TET2: variants seen among roughly 807,000 people sequenced by gnomAD.
TET2 encodes the protein tet methylcytosine dioxygenase 2, also known as methylcytosine dioxygenase TET2.
Under a neutral mutation model 142.9 loss-of-function variants are expected in TET2, and 299 were observed. The observed-to-expected ratio is 2.09, with a 90% CI of 1.90 to 2.30. The LOEUF (loss-of-function observed/expected upper bound fraction) is 2.30. Ranked by LOEUF, TET2 falls within the 30% of genes most tolerant of loss-of-function variation. The pLI, the probability that TET2 is intolerant of heterozygous loss-of-function variation, is 0.00. For synonymous variants in TET2, 819 were observed against 849.0 expected (o/e 0.96, Z 0.61); for missense variants, 2,418 against 2,378.0 (o/e 1.02, Z -0.35).
At chr4:105,243,483 C>T in intron 5 of TET2, 87 bp from the exon 6 acceptor site, 1 of 1,148,736 alleles carries the variant, frequency 8.7e-7, no homozygotes, top group Non-Finnish European at 1.3e-6. Context: ...AATATACATA[C>T]ATAAGTGCCC....
In TET2 at chr4:105,276,397, A is replaced by T; in HGVS notation, c.5887A>T (p.Thr1963Ser). The change falls in exon 11 of 11, where the codon ACT (threonine) becomes TCT (serine). Residue 1963 changes from threonine to serine, a missense_variant. By Grantham distance (58) the Thr-to-Ser change is moderately conservative. Transcript: ENST00000380013. ...TGAGCCACATGAAACTTCAGAGCCC[A>T]CTTACCTGCGTTTCATCAAGTCTCT... is the stretch of plus-strand genomic sequence containing the variant. Reference protein sequence around the residue: ...PAEPHETSEPTYLRFIKSLAE... With the variant: ...PAEPHETSEPSYLRFIKSLAE... The T allele has an allele frequency of 1.3e-6, 2 of 1,551,978 alleles. No homozygotes were observed. The highest frequency in any genetic ancestry group is 1.7e-6 in the Non-Finnish European group (2 of 1,147,050).
intron 1 of TET2, among the ~76,000 whole-genome samples, chr4:105,166,468 A>G (rs1187498651): frequency 6.6e-6 from 1 of 151,832 alleles, no homozygotes; most frequent in Non-Finnish European, 1.5e-5. Flanking sequence ...AATGAAATAC[A>G]CTTTCTTCTT....
rs1295291919 is a variant in TET2, at chr4:105,237,126, G to T, written c.3184G>T (p.Val1062Phe). The change falls in exon 3 of 11, where the codon GTC becomes TTC. Residue 1062 changes from valine to phenylalanine, a missense_variant. Physicochemically the swap from Val to Phe is conservative, Grantham distance 50. Transcript: ENST00000380013. ...KQVKVEMSGP[V>F]TVLTRQTTAA... Reference sequence around the variant, plus strand: ...AGTAAAAGTTGAAATGTCAGGGCCAGTCACAGTTTTGACTAGACAAACCAC... The same window carrying T: ...AGTAAAAGTTGAAATGTCAGGGCCATTCACAGTTTTGACTAGACAAACCAC... The T allele has an allele frequency of 6.2e-7, 1 of 1,614,128 alleles. No individual in the cohort carries two copies. Among genetic ancestry groups the T allele is most frequent in the South Asian group, 1.1e-5 (1 of 91,082 alleles).
intron 8 of TET2, among the ~76,000 whole-genome samples, chr4:105,263,903 A>G (rs1018904130): frequency 2.6e-5 from 4 of 152,098 alleles, no homozygotes; most frequent in Non-Finnish European, 5.9e-5. Flanking sequence ...GGAAAGCTGG[A>G]ATGATGAGAA....
In TET2 at chr4:105,236,001, G is replaced by A. The variant is rs1301965093; in HGVS notation, c.2059G>A (p.Ala687Thr). 1.2e-6 allele frequency: 2 copies of A among 1,614,002 alleles called. No individual in the cohort carries two copies. Among genetic ancestry groups the A allele is most frequent in the Non-Finnish European group, 1.7e-6 (2 of 1,180,034 alleles). The change falls in exon 3 of 11, where the codon GCA (alanine) becomes ACA (threonine). Residue 687 changes from alanine (A) to threonine (T), a missense_variant. Transcript: ENST00000380013. ...CACTAGATTTCATTTTCAACAAAGAGCAGATTCCCAAACTGAAAAACTTAT... is the reference window on the plus strand; with the variant it reads ...CACTAGATTTCATTTTCAACAAAGAACAGATTCCCAAACTGAAAAACTTAT... ...CGTRFHFQQR[A>T]DSQTEKLMSP... is the part of the protein sequence containing the mutation.
chr4:105,230,841 A>AT (rs930241714), intron 2 of TET2, among the ~76,000 whole-genome samples: 6 of 152,048 alleles, frequency 3.9e-5, no homozygotes, highest in East Asian at 1.9e-4. Flanking sequence ...CAGTCATTAG[A>AT]TTTTTTTAAG....
intron 3 of TET2, 135 bp downstream of exon 3, chr4:105,237,486 G>A (rs769332402): frequency 6.2e-7 from 1 of 1,605,782 alleles, no homozygotes; most frequent in Admixed American, 1.7e-5. Flanking sequence ...AAAATCTGAA[G>A]CTTACATTTT....
intron 2 of TET2, among the ~76,000 whole-genome samples, chr4:105,208,241 T>G (rs1232873217): frequency 2.0e-5 from 3 of 152,178 alleles, no homozygotes; most frequent in African/African-American, 4.8e-5. Flanking sequence ...CCAACTTATC[T>G]TGGGTCACCT....
chr4:105,276,249 C>T lies in TET2; in HGVS notation c.5739C>T (p.Gly1913=), dbSNP rs754005272. The T allele has an allele frequency of 1.9e-6, 3 of 1,551,648 alleles. No homozygotes were observed. In the South Asian group the frequency reaches 3.6e-5, roughly 18 times the overall value. Residue 1913 remains glycine, a synonymous_variant, in exon 11 of 11, where the codon GGC becomes GGT. Transcript: ENST00000380013. The part of the protein sequence containing the change: ...QHKSMNEPKH[G]LALWEAKMAE... ...AGAGCATGAATGAGCCAAAACATGG[C>T]TTGGCTCTTTGGGAAGCCAAAATGG...
In TET2 at chr4:105,276,842, C is replaced by CCCCT; in HGVS notation, c.*326_*327insTCCC. On this transcript the variant is annotated 3_prime_UTR_variant, in exon 11 of 11. Transcript: ENST00000380013. ...CGAGATGATATGTAAATGTGATCCC[C>CCCCT]CCCCCCCGCTTACAACTCTACACAT... 5.3e-6 allele frequency: 1 copy of CCCCT among 188,140 alleles called. No individual in the cohort carries two copies. The highest frequency in any genetic ancestry group is 1.0e-5 in the Non-Finnish European group (1 of 95,466). 11.7% of individuals were successfully genotyped at this position (188,140 alleles called of 1,614,324 possible).
intron 1 of TET2, among the ~76,000 whole-genome samples, chr4:105,166,627 A>C (rs891466171): frequency 2.0e-5 from 3 of 151,930 alleles, no homozygotes; most frequent in Admixed American, 6.6e-5. Flanking sequence ...AAAGAAAAAA[A>C]AACAGGGGTT....
At chr4:105,254,679 A>G (rs1352019561) in intron 6 of TET2, among the ~76,000 whole-genome samples, 1 of 152,126 alleles carries the variant, frequency 6.6e-6, no homozygotes, top group East Asian at 1.9e-4. Flanking sequence ...CCAAAGAGTG[A>G]TGGGATTGCA....
chr4:105,209,374 G>C (rs1336694687), intron 2 of TET2, among the ~76,000 whole-genome samples: 1 of 151,944 alleles, frequency 6.6e-6, no homozygotes, highest in East Asian at 1.9e-4. Flanking sequence ...TTCAGTTCCA[G>C]TGTTGACTGA....
chr4:105,179,667 G>C (rs1045672165), intron 1 of TET2, among the ~76,000 whole-genome samples: 1 of 152,152 alleles, frequency 6.6e-6, no homozygotes, highest in Admixed American at 6.5e-5. Context: ...GATGATTTGT[G>C]TCACCTCTGA....
chr4:105,207,035 A>C lies in TET2; in HGVS notation c.-47+16530A>C, dbSNP rs75464680. On this transcript the variant is annotated intron_variant, in intron 2 of 10. Coordinates refer to ENST00000380013, the MANE Select transcript of TET2 (RefSeq NM_001127208.3). ...AAATTCGAGTTGAACTCTTCAAGTG[A>C]AGCTTCAGAGATATAAAAAACTTTA... Among the ~76,000 whole-genome samples, 2,581 of 152,276 alleles carry C rather than the reference A, an allele frequency of 0.017. 142 individuals carry two copies. The East Asian group carries it at 0.17, about 10-fold the overall frequency.
At chr4:105,193,650 A>C (rs1725914923) in intron 2 of TET2, among the ~76,000 whole-genome samples, 1 of 152,182 alleles carries the variant, frequency 6.6e-6, no homozygotes, top group Non-Finnish European at 1.5e-5. Context: ...ACTGCACGTA[A>C]GAGATAAAAG....
Position 105,225,366 on chromosome 4 carries a change from G to A in TET2, c.-46-8531G>A, listed in dbSNP as rs529764442. Among the ~76,000 whole-genome samples, 5 of 152,118 alleles carry A rather than the reference G, an allele frequency of 3.3e-5. No homozygotes were observed. In the East Asian group the frequency reaches 5.8e-4, roughly 18 times the overall value. On this transcript the variant is annotated intron_variant, in intron 2 of 10. Transcript: ENST00000380013. The stretch of plus-strand genomic sequence containing the variant: ...TTCTCACTAGTTTTTTTGAAATTGC[G>A]CTCTATGAGTTTTTTATGTGGTGTT...
intron 1 of TET2, among the ~76,000 whole-genome samples, chr4:105,159,257 T>C (rs1723719517): frequency 6.7e-6 from 1 of 149,842 alleles, no homozygotes; most frequent in South Asian, 2.1e-4. Context: ...CTTTCTTTTT[T>C]TTTTTTTTTT....
rs1396925959 is a variant in TET2 at position 105,272,638 on chromosome 4, T to C, written c.4257T>C (p.Pro1419=). The change falls in exon 10 of 11, where the codon CCT becomes CCC. Residue 1419 remains proline (P), a synonymous_variant. Transcript: ENST00000380013. Reference sequence around the variant, plus strand: ...AGGATGAGCAGCTTCACGTTCTGCCTTTATACAAAGTCTCTGACGTGGATG... The same window carrying C: ...AGGATGAGCAGCTTCACGTTCTGCCCTTATACAAAGTCTCTGACGTGGATG... ...KPEDEQLHVL[P]LYKVSDVDEF... 5.2e-6 allele frequency: 8 copies of C among 1,551,516 alleles called. No individual in the cohort carries two copies. Among genetic ancestry groups the C allele is most frequent in the Non-Finnish European group, 6.1e-6 (7 of 1,146,958 alleles).
Sources: allele counts gnomAD v4.1 joint callset (sites outside exome capture counted in the v4.1 genomes callset), GRCh38; gene constraint gnomAD v4.1.1; transcripts MANE v1.5; gene names NCBI Gene and HGNC (gene_info 2026-07-23, HGNC 2026-07-21).